ZNF665: variants seen among roughly 807,000 people sequenced by gnomAD.
The protein encoded by ZNF665 is zinc finger protein 665.
In ZNF665, 6 loss-of-function variants were observed where a neutral mutation model predicts 7.9. That is an observed-to-expected ratio of 0.76 (90% CI 0.42 to 1.50). ZNF665 has a LOEUF of 1.50. Ranked by LOEUF, ZNF665 falls within the 40% of genes most tolerant of loss-of-function variation. The pLI is 0.01. For missense variants in ZNF665, 819 were observed against 806.7 expected (o/e 1.02, Z -0.18); for synonymous variants, 242 against 274.5 (o/e 0.88, Z 1.17).
Position 53,165,134 on chromosome 19 carries a change from A to G in ZNF665, c.1356T>C (p.His452=), listed in dbSNP as rs573751915. 3.7e-6 allele frequency: 6 copies of G among 1,613,854 alleles called. No individual in the cohort carries two copies. Among genetic ancestry groups the G allele is most frequent in the Non-Finnish European group, 4.2e-6 (5 of 1,179,998 alleles). ...RSSLTTHQAI[H]TGEKPYKCND... Reference sequence around the variant, plus strand: ...TACATTTGTAAGGCTTTTCTCCAGTATGAATTGCCTGATGGGTAGTTAGGC... The same window carrying G: ...TACATTTGTAAGGCTTTTCTCCAGTGTGAATTGCCTGATGGGTAGTTAGGC... Residue 452 remains histidine (H), a synonymous_variant, in exon 4 of 4, where the codon CAT becomes CAC. Coordinates refer to ENST00000396424, the MANE Select transcript of ZNF665 (RefSeq NM_024733.5).
rs1486894545 is a variant in ZNF665, at chr19:53,165,413, T to C, written c.1077A>G (p.Ser359=). 9.3e-6 allele frequency: 15 copies of C among 1,613,370 alleles called. No homozygotes were observed. Among genetic ancestry groups the C allele is most frequent in the Non-Finnish European group, 1.3e-5 (15 of 1,179,476 alleles). The part of the protein sequence containing the change: ...NECGKVFRHN[S]YLAKHRRIHT... ...GAATTCGCCGATGCTTTGCAAGGTA[T>C]GAATTGTGCCTGAAGACCTTGCCAC... Residue 359 remains serine, a synonymous_variant, in exon 4 of 4, where the codon TCA becomes TCG. Coordinates refer to ENST00000396424, the MANE Select transcript of ZNF665 (RefSeq NM_024733.5).
intron 1 of ZNF665, among the ~76,000 whole-genome samples, chr19:53,184,778 C>T (rs545486611): frequency 4.6e-5 from 7 of 151,894 alleles, no homozygotes; most frequent in South Asian, 4.2e-4. Flanking sequence ...GTAGTGGCCC[C>T]GAATGCCAGG....
chr19:53,179,354 T>C (rs534226976), intron 2 of ZNF665, among the ~76,000 whole-genome samples: 36 of 118,116 alleles, frequency 3.0e-4, no homozygotes, highest in South Asian at 2.1e-3. Flanking sequence ...CCAGCCTGGG[T>C]GACACAGAGC....
In ZNF665 at chr19:53,166,109, A is replaced by T. The variant is rs1203643004; in HGVS notation, c.381T>A (p.Arg127=). ...GCCTGTTTCCTGCAGCCCTTCTATC[A>T]CGTTGAGCTCTTCTACCAGGGAGAT... ...KENLPGRRAQ[R]DRRAAGNRHI... The change falls in exon 4 of 4, where the codon CGT becomes CGA. Residue 127 remains arginine, a synonymous_variant. Coordinates refer to ENST00000396424, the MANE Select transcript of ZNF665 (RefSeq NM_024733.5). The T allele has an allele frequency of 2.5e-6, 4 of 1,613,794 alleles. No individual in the cohort carries two copies. Among genetic ancestry groups the T allele is most frequent in the Admixed American group, 3.3e-5 (2 of 59,984 alleles).
Position 53,164,831 on chromosome 19 carries a change from G to T in ZNF665, c.1659C>A (p.His553Gln). ...TCTGATGAATTGCAAGGTACGAATT[G>T]TGTCTGAAGACCTTGCCGCAATCAT... The part of the protein sequence containing the change: ...KCNDCGKVFR[H>Q]NSYLAIHQRI... The change falls in exon 4 of 4, where the codon CAC becomes CAA. Residue 553 changes from histidine to glutamine, a missense_variant. By Grantham distance (24) the His-to-Gln change is conservative (BLOSUM62 0). Transcript: ENST00000396424. 6.2e-7 allele frequency: 1 copy of T among 1,613,978 alleles called. No individual in the cohort carries two copies. Among genetic ancestry groups the T allele is most frequent in the Non-Finnish European group, 8.5e-7 (1 of 1,180,000 alleles).
At chr19:53,170,000 G>C (rs982659031) in intron 3 of ZNF665, among the ~76,000 whole-genome samples, 1 of 145,844 alleles carries the variant, frequency 6.9e-6, no homozygotes, top group Non-Finnish European at 1.5e-5. Flanking sequence ...ACATACGTGT[G>C]CGTGTGTCTT....
At chr19:53,176,535 C>A (rs992403164) in intron 2 of ZNF665, among the ~76,000 whole-genome samples, 2 of 152,180 alleles carry the variant, frequency 1.3e-5, no homozygotes, top group African/African-American at 4.8e-5. Context: ...GCCACTCTAA[C>A]AAATTAATTG....
At chr19:53,185,572 A>G (rs557339546) in intron 1 of ZNF665, among the ~76,000 whole-genome samples, 3 of 152,232 alleles carry the variant, frequency 2.0e-5, no homozygotes, top group East Asian at 1.9e-4. Flanking sequence ...TATTATACTG[A>G]AACAGCTCGT....
At chr19:53,173,663 G>A (rs901962687) in intron 3 of ZNF665, among the ~76,000 whole-genome samples, 4 of 151,604 alleles carry the variant, frequency 2.6e-5, no homozygotes, top group South Asian at 2.1e-4. Flanking sequence ...GAAAGCCACC[G>A]CATCTAGCAT....
At chr19:53,179,899 C>T (rs772712482) in intron 2 of ZNF665, 1 of 152,102 alleles carries the variant, frequency 6.6e-6, no homozygotes, top group Non-Finnish European at 1.5e-5. Flanking sequence ...GGGAGAAACC[C>T]CTCGCATTTG....
At chr19:53,192,824 G>A (rs2090827621) in intron 1 of ZNF665, among the ~76,000 whole-genome samples, 1 of 152,078 alleles carries the variant, frequency 6.6e-6, no homozygotes, top group African/African-American at 2.4e-5. Context: ...ACTGCGAAGG[G>A]GAGGCCTAGG....
chr19:53,171,974 G>A (rs550511841), intron 3 of ZNF665, among the ~76,000 whole-genome samples: 12 of 151,900 alleles, frequency 7.9e-5, no homozygotes, highest in Middle Eastern at 3.4e-3. Context: ...AGCTGGTCTC[G>A]AACTCCTGAC....
At chr19:53,167,624 T>TTTG (rs534632351) in intron 3 of ZNF665, among the ~76,000 whole-genome samples, 2,278 of 150,568 alleles carry the variant, frequency 0.015, 60 homozygotes, top group African/African-American at 0.053. Context: ...TTTTTTGTAT[T>TTTG]TTTAGTAGAG....
Position 53,164,706 on chromosome 19 carries a change from T to G in ZNF665, c.1784A>C (p.Glu595Ala). 6.2e-7 allele frequency: 1 copy of G among 1,614,080 alleles called. No homozygotes were observed. Reference protein sequence around the residue: ...LATHQVIHTGEKPYKCNECGK... With the variant: ...LATHQVIHTGAKPYKCNECGK... Reference sequence around the variant, plus strand: ...ACATTCATTACATTTGTAAGGTTTTTCTCCAGTATGGATGACCTGATGGGT... The same window carrying G: ...ACATTCATTACATTTGTAAGGTTTTGCTCCAGTATGGATGACCTGATGGGT... Residue 595 changes from glutamate to alanine, a missense_variant, in exon 4 of 4, where the codon GAA becomes GCA. Physicochemically the swap from Glu to Ala is moderately radical, Grantham distance 107 (BLOSUM62 -1). Transcript: ENST00000396424.
chr19:53,177,001 C>G (rs1178875300), intron 2 of ZNF665, among the ~76,000 whole-genome samples: 1 of 152,090 alleles, frequency 6.6e-6, no homozygotes. Context: ...CACCTGTGAT[C>G]CCAGTTACTT....
intron 1 of ZNF665, among the ~76,000 whole-genome samples, chr19:53,191,185 C>T (rs972744271): frequency 6.6e-6 from 1 of 152,174 alleles, no homozygotes; most frequent in Non-Finnish European, 1.5e-5. Context: ...ATTGGACAGT[C>T]AGGTAGTGTT....
intron 1 of ZNF665, among the ~76,000 whole-genome samples, chr19:53,189,840 C>G (rs117953832): frequency 0.014 from 2,056 of 150,708 alleles, 31 homozygotes; most frequent in African/African-American, 0.029. Flanking sequence ...TTACGCTACC[C>G]CTAGACCACG....
rs145163239 is a variant in ZNF665 at position 53,173,022 on chromosome 19, T to G, written c.142+2423A>C. ...TCTCTTCATTATGTTAATTGTTCCC[T>G]TTGCAGTGCAGAAGCATTTTCAGTA... On this transcript the variant is annotated intron_variant, in intron 3 of 3. Coordinates refer to ENST00000396424, the MANE Select transcript of ZNF665 (RefSeq NM_024733.5). Among the ~76,000 whole-genome samples the G allele has an allele frequency of 2.1e-3, 321 of 152,282 alleles. 1 individual carries two copies. The highest frequency in any genetic ancestry group is 7.4e-3 in the African/African-American group (308 of 41,564).
At chr19:53,189,073 G>GTGTGTGTGTGTGTGTGTGTGTGTT (rs1171587445) in intron 1 of ZNF665, among the ~76,000 whole-genome samples, 1 of 151,818 alleles carries the variant, frequency 6.6e-6, no homozygotes, top group African/African-American at 2.4e-5. Context: ...GTGTGTGTGT[G>GTGTGTGTGTGTGTGTGTGTGTGTT]TGTGTGTGTG....
Sources: gnomAD v4.1 joint callset for allele counts (sites outside exome capture counted in the v4.1 genomes callset) on GRCh38, gnomAD v4.1.1 for gene constraint, MANE v1.5 for transcripts, NCBI Gene and HGNC (gene_info 2026-07-23, HGNC 2026-07-21) for gene names.